The following DPYD variants were observed in gnomAD, a reference collection of about 807,000 sequenced individuals.
The protein encoded by DPYD is dihydropyrimidine dehydrogenase.
In DPYD, 109 loss-of-function variants were observed where a neutral mutation model predicts 116.2. The observed-to-expected ratio is 0.94, with a 90% CI of 0.80 to 1.10. The LOEUF (loss-of-function observed/expected upper bound fraction) is 1.10. DPYD is among the 50% of genes least tolerant of loss of function. The pLI, the probability that DPYD is intolerant of heterozygous loss-of-function variation, is 0.00. For missense variants in DPYD, 1,302 were observed against 1,254.5 expected (o/e 1.04, Z -0.57); for synonymous variants, 440 against 432.0 (o/e 1.02, Z -0.23).
At chr1:97,322,837 C>G (rs889003455) in intron 16 of DPYD, 1 of 151,896 alleles carries the variant, frequency 6.6e-6, no homozygotes, top group African/African-American at 2.4e-5. Context: ...GATTGGGACA[C>G]CATAAATCAT....
chr1:97,148,562 T>G (rs1302827617), intron 20 of DPYD, among the ~76,000 whole-genome samples: 1 of 152,212 alleles, frequency 6.6e-6, no homozygotes, highest in Non-Finnish European at 1.5e-5. Flanking sequence ...TGAAGTTTTT[T>G]TCTTTAAAGA....
intron 20 of DPYD, among the ~76,000 whole-genome samples, chr1:97,152,391 C>G (rs1464210855): frequency 6.6e-6 from 1 of 150,490 alleles, no homozygotes. Flanking sequence ...TGCAAAGGTG[C>G]GAAGTTTGAA....
intron 4 of DPYD, among the ~76,000 whole-genome samples, chr1:97,733,164 G>T (rs1408748476): frequency 6.6e-6 from 1 of 151,990 alleles, no homozygotes; most frequent in Non-Finnish European, 1.5e-5. Flanking sequence ...AATCTGGGAG[G>T]AAAATCTTGG....
intron 16 of DPYD, among the ~76,000 whole-genome samples, chr1:97,325,786 A>G (rs1668677404): frequency 6.6e-6 from 1 of 151,932 alleles, no homozygotes; most frequent in African/African-American, 2.4e-5. Context: ...ATGTATGACT[A>G]AAAAATACTT....
intron 5 of DPYD, among the ~76,000 whole-genome samples, chr1:97,703,235 C>A (rs1282676960): frequency 1.3e-5 from 2 of 151,826 alleles, no homozygotes; most frequent in Non-Finnish European, 2.9e-5. Flanking sequence ...ATAATTGAAC[C>A]ACATTTTTGT....
chr1:97,430,591 G>A (rs372873483), intron 14 of DPYD, among the ~76,000 whole-genome samples: 1 of 148,576 alleles, frequency 6.7e-6, no homozygotes, highest in African/African-American at 2.5e-5. Flanking sequence ...TCAGTCTTGG[G>A]AAAAAAAAAA....
rs111691363 is a variant in DPYD, at chr1:97,862,511, T to A, written c.150+20753A>T. ...TGGAGACTATCCAACCTAAATTCCCTGACCAGTCAACAACTCTTACTTCTC... is the reference window on the plus strand; with the variant it reads ...TGGAGACTATCCAACCTAAATTCCCAGACCAGTCAACAACTCTTACTTCTC... On this transcript the variant is annotated intron_variant, in intron 2 of 22. Coordinates refer to ENST00000370192, the MANE Select transcript of DPYD (RefSeq NM_000110.4). Among the ~76,000 whole-genome samples, 95 of 151,948 alleles carry A rather than the reference T, an allele frequency of 6.3e-4. 2 individuals carry two copies. The highest frequency in any genetic ancestry group is 2.4e-4 in the Non-Finnish European group (16 of 67,856).
At chr1:97,467,132 C>T (rs955422865) in intron 13 of DPYD, among the ~76,000 whole-genome samples, 5 of 152,176 alleles carry the variant, frequency 3.3e-5, no homozygotes, top group Admixed American at 1.3e-4. Flanking sequence ...TAGAAACTAA[C>T]GATAAAATAT....
chr1:97,174,264 C>A (rs1184985016), intron 20 of DPYD, among the ~76,000 whole-genome samples: 1 of 152,130 alleles, frequency 6.6e-6, no homozygotes, highest in Non-Finnish European at 1.5e-5. Flanking sequence ...AGGCTGCAGG[C>A]ACTGGCTGAT....
chr1:97,515,946 A>T lies in DPYD; in HGVS notation c.1525-5T>A, dbSNP rs1269963365. ...AACGGAAGCTCCATATTGTGACTGC[A>T]AAATACAAACCAATACTTGGTTTCA... On this transcript the variant is annotated splice_polypyrimidine_tract_variant and splice_region_variant and intron_variant, in intron 12 of 22. Coordinates refer to ENST00000370192, the MANE Select transcript of DPYD (RefSeq NM_000110.4). The T allele has an allele frequency of 1.9e-6, 3 of 1,611,624 alleles. No homozygotes were observed. The highest frequency in any genetic ancestry group is 2.5e-6 in the Non-Finnish European group (3 of 1,178,340).
intron 2 of DPYD, among the ~76,000 whole-genome samples, chr1:97,858,665 T>C (rs1181761356): frequency 6.6e-6 from 1 of 152,096 alleles, no homozygotes; most frequent in African/African-American, 2.4e-5. Flanking sequence ...GTTATGATAC[T>C]AATATATTTA....
Position 97,730,508 on chromosome 1 carries a change from GTC to G in DPYD, c.322-8839_322-8838del, listed in dbSNP as rs1446081796. On this transcript the variant is annotated intron_variant, in intron 4 of 22. Coordinates refer to ENST00000370192, the MANE Select transcript of DPYD (RefSeq NM_000110.4). ...CAAATTGAGGGGATTACACACGTTAGTCTCTGCACCTGGCCTACTTATCCTTT... is the reference window on the plus strand; with the variant it reads ...CAAATTGAGGGGATTACACACGTTAGTCTGCACCTGGCCTACTTATCCTTT... Among the ~76,000 whole-genome samples the G allele has an allele frequency of 3.9e-5, 6 of 152,066 alleles. No individual in the cohort carries two copies. The East Asian group carries it at 1.2e-3, about 29-fold the overall frequency.
intron 1 of DPYD, among the ~76,000 whole-genome samples, chr1:97,884,614 A>G (rs1672391022): frequency 6.6e-6 from 1 of 152,060 alleles, no homozygotes; most frequent in Non-Finnish European, 1.5e-5. Context: ...AATGATGTTC[A>G]TTTCAAAAGT....
intron 14 of DPYD, among the ~76,000 whole-genome samples, chr1:97,443,371 C>T (rs1469255157): frequency 6.6e-6 from 1 of 152,156 alleles, no homozygotes; most frequent in African/African-American, 2.4e-5. Flanking sequence ...CTCTAGAATT[C>T]ATGAATATCA....
chr1:97,186,736 C>G (rs1658016767), intron 20 of DPYD, among the ~76,000 whole-genome samples: 1 of 152,144 alleles, frequency 6.6e-6, no homozygotes, highest in South Asian at 2.1e-4. Context: ...GTAATCCCAG[C>G]TACTGGGGAG....
intron 16 of DPYD, among the ~76,000 whole-genome samples, chr1:97,371,505 G>A (rs1314791947): frequency 1.3e-5 from 2 of 152,198 alleles, no homozygotes; most frequent in Admixed American, 1.3e-4. Context: ...AAAGGGAGAA[G>A]CAATGGGAAT....
intron 19 of DPYD, among the ~76,000 whole-genome samples, chr1:97,233,424 G>A (rs1483071636): frequency 6.6e-6 from 1 of 152,086 alleles, no homozygotes; most frequent in African/African-American, 2.4e-5. Context: ...CTTCTGATAT[G>A]GGATGGGGGT....
intron 4 of DPYD, among the ~76,000 whole-genome samples, chr1:97,736,668 A>G (rs1330060533): frequency 1.3e-5 from 2 of 152,298 alleles, no homozygotes; most frequent in Non-Finnish European, 2.9e-5. Flanking sequence ...TCTAAATGAC[A>G]CAAACCAACC....
intron 2 of DPYD, among the ~76,000 whole-genome samples, chr1:97,860,062 G>T (rs1255288338): frequency 6.6e-6 from 1 of 152,068 alleles, no homozygotes; most frequent in Non-Finnish European, 1.5e-5. Context: ...TAAATATTAG[G>T]CTGGGTGCGG....
Sources: allele counts gnomAD v4.1 joint callset (sites outside exome capture counted in the v4.1 genomes callset), GRCh38; gene constraint gnomAD v4.1.1; transcripts MANE v1.5; gene names NCBI Gene and HGNC (gene_info 2026-07-23, HGNC 2026-07-21).